ELP3: variants seen among roughly 807,000 people sequenced by gnomAD.
ELP3 encodes the protein elongator acetyltransferase complex subunit 3.
ELP3 carries 56 observed loss-of-function variants against 74.9 expected under a neutral mutation model. The observed-to-expected ratio is 0.75, with a 90% CI of 0.60 to 0.93. ELP3 has a LOEUF of 0.93. Among genes scored for constraint, ELP3 ranks in the 40% least tolerant of loss-of-function variants. ELP3 has a pLI of 0.00. For synonymous variants in ELP3, 222 were observed against 239.8 expected (o/e 0.93, Z 0.68); for missense variants, 573 against 686.5 (o/e 0.83, Z 1.85).
At chr8:28,136,516 A>T (rs1308659576) in intron 9 of ELP3, among the ~76,000 whole-genome samples, 1 of 152,232 alleles carries the variant, frequency 6.6e-6, no homozygotes, top group Non-Finnish European at 1.5e-5. Flanking sequence ...TTTATTAAAG[A>T]CCTGATGATT....
intron 11 of ELP3, among the ~76,000 whole-genome samples, chr8:28,157,283 G>T (rs1387478509): frequency 3.0e-5 from 2 of 67,050 alleles, no homozygotes; most frequent in Admixed American, 1.9e-4. Context: ...TTTAAAAAAA[G>T]CATGCCAAAA....
intron 14 of ELP3, chr8:28,183,323 T>C: frequency 2.3e-6 from 1 of 437,948 alleles, no homozygotes; most frequent in Non-Finnish European, 4.6e-6. Flanking sequence ...GATAAAATAT[T>C]TATCCTGCCT....
At chr8:28,090,410 G>T, upstream of ELP3, 1 of 331,488 alleles carries the variant, frequency 3.0e-6, no homozygotes, top group East Asian at 8.9e-5. Context: ...TCTGGTGAGT[G>T]TAGTGTCCAA....
intron 14 of ELP3, among the ~76,000 whole-genome samples, chr8:28,182,796 G>C (rs950008162): frequency 2.0e-5 from 3 of 152,196 alleles, no homozygotes; most frequent in Non-Finnish European, 2.9e-5. Flanking sequence ...CACGTGGTGC[G>C]TATCTTTTGG....
chr8:28,166,966 A>G (rs953023886), intron 14 of ELP3, among the ~76,000 whole-genome samples: 3 of 152,218 alleles, frequency 2.0e-5, no homozygotes, highest in East Asian at 1.9e-4. Flanking sequence ...TGTCCTTTCA[A>G]GTAGAAAATT....
At position 28,103,935 on chromosome 8, in the gene ELP3, C is replaced by T. The variant is rs79156777; in HGVS notation, c.259-2778C>T. On this transcript the variant is annotated intron_variant, in intron 3 of 14. Coordinates refer to ENST00000256398, the MANE Select transcript of ELP3 (RefSeq NM_018091.6). The stretch of plus-strand genomic sequence containing the variant: ...GTAGAGACAGGGTTTCACCATGTTA[C>T]CTAGGATGGTCTTGAGCTCCTAGGC... Among the ~76,000 whole-genome samples, 844 of 152,224 alleles carry T rather than the reference C, an allele frequency of 5.5e-3. 6 individuals are homozygous for T. The highest frequency in any genetic ancestry group is 0.019 in the African/African-American group (785 of 41,526).
chr8:28,140,117 TGTG>T (rs1813174979), intron 10 of ELP3, among the ~76,000 whole-genome samples: 1 of 43,426 alleles, frequency 2.3e-5, no homozygotes, highest in Non-Finnish European at 3.9e-5. Context: ...ACATATTTTG[TGTG>T]TGTGTGTGTG....
At chr8:28,184,878 A>C (rs1815170583) in intron 14 of ELP3, among the ~76,000 whole-genome samples, 1 of 152,102 alleles carries the variant, frequency 6.6e-6, no homozygotes, top group African/African-American at 2.4e-5. Context: ...CTCGAAACTC[A>C]GAAGTCTCCT....
intron 3 of ELP3, among the ~76,000 whole-genome samples, chr8:28,104,209 A>G (rs1018040454): frequency 1.3e-5 from 2 of 152,096 alleles, no homozygotes; most frequent in African/African-American, 4.8e-5. Flanking sequence ...GTGTTTTCTT[A>G]CTAGGTTTTA....
chr8:28,140,194 G>A (rs779806205), intron 10 of ELP3, among the ~76,000 whole-genome samples: 5 of 151,306 alleles, frequency 3.3e-5, no homozygotes, highest in Non-Finnish European at 7.4e-5. Context: ...AGTGAGCACA[G>A]CTGGTTTCTA....
chr8:28,132,315 C>T lies in ELP3; in HGVS notation c.817C>T (p.Leu273=), dbSNP rs1333750087. ...GAAGGCAGTGTGTGAGTCATTTCAC[C>T]TGGCCAAAGATTCCGGTTTTAAAGT... ...TVKAVCESFH[L]AKDSGFKVVA... Residue 273 remains leucine (L), a synonymous_variant, in exon 9 of 15, where the codon CTG becomes TTG. Transcript: ENST00000256398. The T allele has an allele frequency of 6.2e-7, 1 of 1,614,102 alleles. No individual in the cohort carries two copies. Among genetic ancestry groups the T allele is most frequent in the Non-Finnish European group, 8.5e-7 (1 of 1,179,992 alleles).
At chr8:28,117,577 C>T (rs1170200575) in intron 7 of ELP3, among the ~76,000 whole-genome samples, 1 of 152,150 alleles carries the variant, frequency 6.6e-6, no homozygotes, top group East Asian at 1.9e-4. Context: ...TTTGGGTCTT[C>T]ATTGCAACAC....
At chr8:28,136,546 C>T (rs9285028) in intron 9 of ELP3, among the ~76,000 whole-genome samples, 88,776 of 151,574 alleles carry the variant, frequency 0.59, 27,922 homozygotes, top group East Asian at 0.92. Flanking sequence ...ATAAATGTTA[C>T]AGGAAAATCA....
chr8:28,181,261 G>A (rs908779856), intron 14 of ELP3, among the ~76,000 whole-genome samples: 4 of 152,102 alleles, frequency 2.6e-5, no homozygotes, highest in Non-Finnish European at 4.4e-5. Context: ...AAATACTCAC[G>A]ACTCTTCTGC....
chr8:28,105,003 G>T (rs1258117736), intron 3 of ELP3, among the ~76,000 whole-genome samples: 1 of 152,132 alleles, frequency 6.6e-6, no homozygotes, highest in East Asian at 1.9e-4. Context: ...TTGACCAGTG[G>T]GAGCCTTTTC....
At chr8:28,152,396 CTCAT>C (rs1428318081) in intron 10 of ELP3, among the ~76,000 whole-genome samples, 1 of 152,170 alleles carries the variant, frequency 6.6e-6, no homozygotes, top group African/African-American at 2.4e-5. Flanking sequence ...TATATTTTCT[CTCAT>C]TCTGTGAGTT....
In ELP3 at chr8:28,160,350, C is replaced by T; in HGVS notation, c.1379C>T (p.Thr460Ile). The T allele has an allele frequency of 6.2e-7, 1 of 1,614,136 alleles. No homozygotes were observed. Among genetic ancestry groups the T allele is most frequent in the Non-Finnish European group, 8.5e-7 (1 of 1,180,020 alleles). ...CGATTACGCAAGTGTTCAGAAGAAA[C>T]TTTCCGTTTCGAATTGGGTGGAGGT... ...LLRLRKCSEE[T>I]FRFELGGGVS... The change falls in exon 13 of 15, where the codon ACT becomes ATT. Residue 460 changes from threonine to isoleucine, a missense_variant. Transcript: ENST00000256398.
At chr8:28,121,201 T>C (rs1812351935) in intron 7 of ELP3, among the ~76,000 whole-genome samples, 3 of 152,150 alleles carry the variant, frequency 2.0e-5, no homozygotes, top group African/African-American at 7.2e-5. Context: ...CTCTTAGCAA[T>C]CTTCATTGTT....
intron 5 of ELP3, among the ~76,000 whole-genome samples, chr8:28,108,985 A>G (rs1454669567): frequency 6.6e-6 from 1 of 151,978 alleles, no homozygotes; most frequent in East Asian, 1.9e-4. Context: ...CCTAGCAGAG[A>G]AGTCACTAGA....
Sources: allele counts gnomAD v4.1 joint callset (sites outside exome capture counted in the v4.1 genomes callset), GRCh38; gene constraint gnomAD v4.1.1; transcripts MANE v1.5; gene names NCBI Gene and HGNC (gene_info 2026-07-23, HGNC 2026-07-21).